NDRG4: variants seen among roughly 807,000 people sequenced by gnomAD.
The protein encoded by NDRG4 is NDRG family member 4.
In NDRG4, 38 loss-of-function variants were observed where a neutral mutation model predicts 55.8. That is an observed-to-expected ratio of 0.68 (90% CI 0.53 to 0.89). The LOEUF is 0.89. Among genes scored for constraint, NDRG4 ranks in the 40% least tolerant of loss-of-function variants. The pLI is 0.00. For synonymous variants in NDRG4, 190 were observed against 182.7 expected, an observed-to-expected ratio of 1.04 and a Z score of -0.32; for missense variants, 455 against 468.6, an observed-to-expected ratio of 0.97 and a Z score of 0.27.
intron 1 of NDRG4, among the ~76,000 whole-genome samples, chr16:58,472,894 G>A (rs1365802106): frequency 6.6e-6 from 1 of 151,994 alleles, no homozygotes; most frequent in Non-Finnish European, 1.5e-5. Context: ...TTGGTTTCCA[G>A]GCCACCCAAC....
In NDRG4 at chr16:58,511,886, C is replaced by G. The variant is rs2038842687; in HGVS notation, c.*310C>G. On this transcript the variant is annotated 3_prime_UTR_variant, in exon 15 of 15. Transcript: ENST00000570248. ...AGATTCGCTACGGATCCAGGCCATT[C>G]CTGGGTGAGCCCTTGGGCAGGCATG... 2.2e-6 allele frequency: 1 copy of G among 453,130 alleles called. No homozygotes were observed. The highest frequency in any genetic ancestry group is 4.2e-6 in the Non-Finnish European group (1 of 235,532). The allele number at this position is 453,130 out of a possible 1,614,324, so 28.1% of individuals were successfully genotyped here. A position where few individuals can be genotyped will look rare whatever the true frequency, so the allele number is the denominator to read the frequency against.
intron 1 of NDRG4, among the ~76,000 whole-genome samples, chr16:58,485,164 T>G (rs529955574): frequency 1.3e-5 from 2 of 152,294 alleles, no homozygotes; most frequent in Admixed American, 1.3e-4. Flanking sequence ...ATTACAGGCA[T>G]GAGCCACCAC....
chr16:58,510,685 T>A lies in NDRG4; in HGVS notation c.904+2T>A. The A allele has an allele frequency of 6.5e-7, 1 of 1,535,850 alleles. No individual in the cohort carries two copies. The highest frequency in any genetic ancestry group is 1.2e-5 in the South Asian group (1 of 84,052). ...ACCGAAGGCTGAGTGGAGGAGCAGG[T>A]AGCCCCACGGCCCTTCCCCTGATGC... On this transcript the variant is annotated splice_donor_variant, in intron 14 of 14. Coordinates refer to ENST00000570248, the MANE Select transcript of NDRG4 (RefSeq NM_001242835.2). LOFTEE classifies it high-confidence loss of function.
chr16:58,475,717 G>A (rs1221488403), intron 1 of NDRG4: 2 of 451,782 alleles, frequency 4.4e-6, no homozygotes, highest in African/African-American at 4.0e-5. Flanking sequence ...CTGCCTTTGA[G>A]CCTAAAATGG....
chr16:58,506,417 G>T lies in NDRG4; in HGVS notation c.403G>T (p.Val135Leu), dbSNP rs1365892919. 1.9e-6 allele frequency: 3 copies of T among 1,613,808 alleles called. No individual in the cohort carries two copies. Among genetic ancestry groups the T allele is most frequent in the Non-Finnish European group, 2.5e-6 (3 of 1,179,956 alleles). Residue 135 changes from valine to leucine, a missense_variant, in exon 6 of 15, where the codon GTG becomes TTG. Val to Leu is a conservative substitution (Grantham distance 32, BLOSUM62 1). Transcript: ENST00000570248. ...CTTCCCCGACCTGGTGGAGGGGCTG[G>T]TGCTGGTGAACATCGACCCCAATGG... ...LIFPDLVEGL[V>L]LVNIDPNGKG...
At chr16:58,506,300 C>T in intron 5 of NDRG4, 87 bp from the exon 6 acceptor site, 2 of 1,337,810 alleles carry the variant, frequency 1.5e-6, no homozygotes. Context: ...GGTGGCTGAT[C>T]AGCAGCACCT....
intron 1 of NDRG4, among the ~76,000 whole-genome samples, chr16:58,469,569 C>CA (rs1376810365): frequency 6.6e-6 from 1 of 151,474 alleles, no homozygotes; most frequent in Non-Finnish European, 1.5e-5. Context: ...TTTATAGAAG[C>CA]AAAAAAGCAA....
In NDRG4 at chr16:58,479,090, G is replaced by A. The variant is rs369623190; in HGVS notation, c.-23-8666G>A. ...GTTGCCCAGGCTGGAGTGCAATGGC[G>A]TGATCTCGGCTCACTGCAATCTTCG... On this transcript the variant is annotated intron_variant, in intron 1 of 15. Coordinates refer to the NDRG4 transcript ENST00000258187. Among the ~76,000 whole-genome samples the A allele has an allele frequency of 2.0e-4, 30 of 152,142 alleles. No individual in the cohort carries two copies. In the South Asian group the frequency reaches 4.1e-3, roughly 21 times the overall value.
In NDRG4 at chr16:58,511,781, C is replaced by G; in HGVS notation, c.*205C>G. The G allele has an allele frequency of 1.5e-6, 1 of 685,470 alleles. No homozygotes were observed. The highest frequency in any genetic ancestry group is 1.7e-5 in the South Asian group (1 of 60,552). The allele number at this position is 685,470 out of a possible 1,614,324, so 42.5% of individuals were successfully genotyped here. On this transcript the variant is annotated 3_prime_UTR_variant, in exon 15 of 15. Coordinates refer to ENST00000570248, the MANE Select transcript of NDRG4 (RefSeq NM_001242835.2). ...AGTCCTCCTCATCCCATCTCACTCT[C>G]CGTGGTAACTTAGCCAACTTGACCC...
Position 58,464,345 on chromosome 16 carries a change from C to G in NDRG4, c.-24+548C>G, listed in dbSNP as rs1240278429. 3 of 1,218,850 alleles carry G rather than the reference C, an allele frequency of 2.5e-6. No homozygotes were observed. The highest frequency in any genetic ancestry group is 1.1e-6 in the Non-Finnish European group (1 of 941,886). 75.5% of individuals were successfully genotyped at this position (1,218,850 alleles called of 1,614,324 possible). On this transcript the variant is annotated intron_variant, in intron 1 of 15. Transcript: ENST00000258187. The surrounding 1 kb of genome is among the most constrained non-coding windows in gnomAD (Gnocchi z 4.8). ...TCCGCGCTCTCCTGCCGCTCCGCTC[C>G]GGGTCTCCCGCGCTCCTCTCCCCGG...
intron 8 of NDRG4, 162 bp from the exon 9 acceptor site, chr16:58,507,646 T>A (rs2151832374): frequency 3.0e-6 from 2 of 676,034 alleles, no homozygotes; most frequent in East Asian, 5.5e-5. Flanking sequence ...ACCTGGTATG[T>A]GCTAGGGAGT....
chr16:58,511,092 C>T (rs1037219069), intron 14 of NDRG4: 7 of 469,252 alleles, frequency 1.5e-5, no homozygotes, highest in Admixed American at 7.2e-5. Flanking sequence ...GGGCAGTATG[C>T]GACCACCGCT....
At chr16:58,463,768 C>T (rs1296930450) in exon 1 of NDRG4, 1 of 151,030 alleles carries the variant, frequency 6.6e-6, no homozygotes, top group Non-Finnish European at 1.5e-5. Context: ...CGCTCCCCGC[C>T]TGCGCGTCTG....
chr16:58,465,584 G>C (rs914353034), intron 1 of NDRG4, among the ~76,000 whole-genome samples: 2 of 151,458 alleles, frequency 1.3e-5, no homozygotes, highest in African/African-American at 4.9e-5. Flanking sequence ...GGTGGGGTAC[G>C]TTGGGTGAGG....
In NDRG4 at chr16:58,477,648, T is replaced by C. The variant is rs115562442; in HGVS notation, c.-23-10108T>C. ...ATTCCAATAAGTGTAGAAGAGATTA[T>C]GGAAATAGAAAATTATCTTCTTTTC... On this transcript the variant is annotated intron_variant, in intron 1 of 15. Transcript: ENST00000258187. 6.2e-3 allele frequency among the ~76,000 whole-genome samples: 938 copies of C among 151,540 alleles called. 9 individuals are homozygous for C. The highest frequency in any genetic ancestry group is 0.021 in the African/African-American group (873 of 41,246).
chr16:58,494,600 G>C (rs186695945), intron 2 of NDRG4, among the ~76,000 whole-genome samples: 9 of 152,160 alleles, frequency 5.9e-5, no homozygotes, highest in Non-Finnish European at 7.3e-5. Flanking sequence ...ACGCTCACAC[G>C]CTCCTCCACC....
chr16:58,507,313 T>C (rs573686383), intron 8 of NDRG4: 13 of 442,322 alleles, frequency 2.9e-5, no homozygotes, highest in Non-Finnish European at 4.5e-5. Context: ...CCAGCCTTGA[T>C]GTTGACGTCT....
At chr16:58,470,979 C>T (rs971199632) in intron 1 of NDRG4, among the ~76,000 whole-genome samples, 28 of 150,388 alleles carry the variant, frequency 1.9e-4, no homozygotes, top group Admixed American at 1.8e-3. Flanking sequence ...ATGATTGCTT[C>T]AGCAAGAAGC....
rs537347107 is a variant in NDRG4, at chr16:58,506,618, A to AG, written c.516+11dup. On this transcript the variant is annotated splice_donor_region_variant and intron_variant, in intron 7 of 14. Transcript: ENST00000570248. ...GCTCTCCCACCTCTTCAGCCAGGTA[A>AG]GGGGGGGAACTTCTGCAGATCTGGG... is the stretch of plus-strand genomic sequence containing the variant. The AG allele has an allele frequency of 3.5e-4, 544 of 1,551,828 alleles. 4 individuals carry two copies. The East Asian group carries it at 0.011, about 30-fold the overall frequency.
Sources: gnomAD v4.1 joint callset for allele counts (sites outside exome capture counted in the v4.1 genomes callset) on GRCh38, gnomAD v4.1.1 for gene constraint, Gnocchi (gnomAD v3.1) non-coding constraint, MANE v1.5 for transcripts, NCBI Gene and HGNC (gene_info 2026-07-23, HGNC 2026-07-21) for gene names.